LRP1B: variants seen among roughly 807,000 people sequenced by gnomAD.
LRP1B encodes the protein LDL receptor related protein 1B, also known as low-density lipoprotein receptor-related protein 1B.
LRP1B carries 217 observed loss-of-function variants against 556.6 expected under a neutral mutation model. That is an observed-to-expected ratio of 0.39 (90% CI 0.35 to 0.44). The LOEUF is 0.44. Ranked by LOEUF, LRP1B falls within the 20% of genes least tolerant of loss-of-function variation. The probability of loss-of-function intolerance (pLI) is 1.00; values close to 1 mark genes in which losing one functional copy is unlikely to be tolerated. For missense variants in LRP1B, 5,053 were observed against 5,620.8 expected, an observed-to-expected ratio of 0.90 and a Z score of 3.23; for synonymous variants, 2,047 against 1,865.8, an observed-to-expected ratio of 1.10 and a Z score of -2.50.
At chr2:141,174,834 C>T (rs113911775) in intron 7 of LRP1B, among the ~76,000 whole-genome samples, 2,247 of 152,140 alleles carry the variant, frequency 0.015, 23 homozygotes, top group Middle Eastern at 0.041. Flanking sequence ...GTGGGAAAGA[C>T]TGGAACTTCC....
chr2:141,301,084 G>A (rs1041695326), intron 3 of LRP1B, among the ~76,000 whole-genome samples: 1 of 152,104 alleles, frequency 6.6e-6, no homozygotes, highest in Non-Finnish European at 1.5e-5. Context: ...AGAAGCAGGA[G>A]ATATATTATG....
intron 3 of LRP1B, among the ~76,000 whole-genome samples, chr2:141,467,852 A>AGGGT (rs1163213986): frequency 1.7e-4 from 22 of 133,326 alleles, no homozygotes; most frequent in South Asian, 3.3e-4. Flanking sequence ...GGGGGGGGGA[A>AGGGT]TTCCAGCATA....
At chr2:140,252,075 A>AAAAAAAAAAAAAAAAAAAAAAC in intron 86 of LRP1B, among the ~76,000 whole-genome samples, 1 of 135,052 alleles carries the variant, frequency 7.4e-6, no homozygotes, top group Non-Finnish European at 1.5e-5. Flanking sequence ...AAAAAAAAAA[A>AAAAAAAAAAAAAAAAAAAAAAC]AAAAAAAAAA....
intron 3 of LRP1B, among the ~76,000 whole-genome samples, chr2:141,301,959 T>A (rs1320849216): frequency 1.3e-5 from 2 of 152,194 alleles, no homozygotes; most frequent in Admixed American, 6.5e-5. Context: ...TAGCTTGTGC[T>A]AATTCACTTG....
chr2:141,411,992 A>T (rs1389782900), intron 3 of LRP1B, among the ~76,000 whole-genome samples: 1 of 152,026 alleles, frequency 6.6e-6, no homozygotes, highest in Non-Finnish European at 1.5e-5. Flanking sequence ...CTCATACTAG[A>T]TTGTCTTGAA....
intron 35 of LRP1B, among the ~76,000 whole-genome samples, chr2:140,759,539 A>G (rs1688847307): frequency 6.6e-6 from 1 of 152,214 alleles, no homozygotes; most frequent in Non-Finnish European, 1.5e-5. Context: ...ATTCACTGAC[A>G]CATTGAGTTA....
At chr2:140,417,263 C>A (rs1047275786) in intron 66 of LRP1B, among the ~76,000 whole-genome samples, 24 of 152,304 alleles carry the variant, frequency 1.6e-4, no homozygotes, top group Admixed American at 2.6e-4. Flanking sequence ...CTAAGAAGCC[C>A]TTTACTATTG....
chr2:141,427,294 A>G lies in LRP1B; in HGVS notation c.343+53102T>C, dbSNP rs530355306. Among the ~76,000 whole-genome samples, 6 of 152,366 alleles carry G rather than the reference A, an allele frequency of 3.9e-5. No individual in the cohort carries two copies. In the South Asian group the frequency reaches 6.2e-4, roughly 16 times the overall value. On this transcript the variant is annotated intron_variant, in intron 3 of 90. Transcript: ENST00000389484. ...GTATTATAGTACAATAATTTAATAC[A>G]TAAGGGTATTATACAATAATGAGAA...
chr2:142,077,706 A>G (rs1310653358), intron 1 of LRP1B, among the ~76,000 whole-genome samples: 2 of 152,080 alleles, frequency 1.3e-5, no homozygotes, highest in Admixed American at 1.3e-4. Flanking sequence ...GTTTGGGAGT[A>G]CAGTTTCCTT....
intron 1 of LRP1B, among the ~76,000 whole-genome samples, chr2:141,856,520 A>G (rs1558921195): frequency 6.6e-6 from 1 of 152,136 alleles, no homozygotes; most frequent in Non-Finnish European, 1.5e-5. Flanking sequence ...CCCAGCTGCT[A>G]CTTCTGAAAG....
At chr2:142,018,938 T>C (rs913729361) in intron 1 of LRP1B, among the ~76,000 whole-genome samples, 30 of 152,238 alleles carry the variant, frequency 2.0e-4, no homozygotes, top group African/African-American at 6.7e-4. Context: ...AAACGCACAG[T>C]AAAATTCAAA....
intron 1 of LRP1B, among the ~76,000 whole-genome samples, chr2:141,943,226 T>C (rs910685574): frequency 6.6e-6 from 1 of 152,194 alleles, no homozygotes; most frequent in East Asian, 1.9e-4. Context: ...TTAAAAGATA[T>C]ATAGCCTCTA....
intron 1 of LRP1B, among the ~76,000 whole-genome samples, chr2:142,056,333 G>A (rs1331262661): frequency 1.3e-5 from 2 of 151,982 alleles, no homozygotes; most frequent in East Asian, 1.9e-4. Context: ...AAGTTTAAAG[G>A]GCAAACTAAA....
chr2:140,321,653 C>A (rs1427952509), intron 82 of LRP1B, among the ~76,000 whole-genome samples: 1 of 151,006 alleles, frequency 6.6e-6, no homozygotes, highest in Non-Finnish European at 1.5e-5. Context: ...AGAATGTTCT[C>A]AAAAAATATT....
chr2:141,184,129 CA>C (rs1681131067), intron 7 of LRP1B, among the ~76,000 whole-genome samples: 2 of 152,018 alleles, frequency 1.3e-5, no homozygotes, highest in Non-Finnish European at 2.9e-5. Flanking sequence ...GTGTCATGTT[CA>C]AAAATGCAGT....
intron 1 of LRP1B, among the ~76,000 whole-genome samples, chr2:141,888,876 A>G (rs1699201501): frequency 6.6e-6 from 1 of 152,174 alleles, no homozygotes; most frequent in African/African-American, 2.4e-5. Flanking sequence ...CGTATATTGT[A>G]TACATGCAGA....
chr2:141,550,610 A>T (rs756528685), intron 2 of LRP1B, among the ~76,000 whole-genome samples: 10 of 152,132 alleles, frequency 6.6e-5, no homozygotes, highest in Non-Finnish European at 1.0e-4. Context: ...ATGTCTTTGG[A>T]TATTCGTTCA....
At chr2:141,858,233 T>C (rs1698127035) in intron 1 of LRP1B, among the ~76,000 whole-genome samples, 1 of 152,238 alleles carries the variant, frequency 6.6e-6, no homozygotes, top group South Asian at 2.1e-4. Flanking sequence ...TACTCCCATA[T>C]TCATGTAGAG....
intron 82 of LRP1B, among the ~76,000 whole-genome samples, chr2:140,320,287 G>A (rs1042555348): frequency 3.9e-5 from 6 of 152,070 alleles, no homozygotes; most frequent in South Asian, 2.1e-4. Flanking sequence ...CTTTTCAAAC[G>A]CTTCGGCTCT....
Sources: gnomAD v4.1 joint callset for allele counts (sites outside exome capture counted in the v4.1 genomes callset) on GRCh38, gnomAD v4.1.1 for gene constraint, MANE v1.5 for transcripts, NCBI Gene and HGNC (gene_info 2026-07-23, HGNC 2026-07-21) for gene names.